Variants in IGF2BP1 observed in about 807,000 individuals in gnomAD.
IGF2BP1 encodes insulin like growth factor 2 mRNA binding protein 1.
IGF2BP1 carries 11 observed loss-of-function variants against 74.9 expected under a neutral mutation model. That is an observed-to-expected ratio of 0.15 (90% CI 0.09 to 0.24). The LOEUF (loss-of-function observed/expected upper bound fraction) is 0.24, where lower values mean the gene tolerates loss of function less well. IGF2BP1 is among the 10% of genes least tolerant of loss of function. The pLI, the probability that IGF2BP1 is intolerant of heterozygous loss-of-function variation, is 1.00. For synonymous variants in IGF2BP1, 287 were observed against 281.8 expected (o/e 1.02, Z -0.18); for missense variants, 440 against 757.4 (o/e 0.58, Z 4.92).
chr17:49,009,727 C>T (rs1157368745), intron 2 of IGF2BP1, among the ~76,000 whole-genome samples: 2 of 149,878 alleles, frequency 1.3e-5, no homozygotes, highest in Admixed American at 6.7e-5. Context: ...AAAATTTAAT[C>T]GTAAAATATG....
intron 5 of IGF2BP1, among the ~76,000 whole-genome samples, chr17:49,035,872 C>T (rs775985612): frequency 2.0e-5 from 3 of 152,198 alleles, no homozygotes; most frequent in Non-Finnish European, 4.4e-5. Context: ...GGGCAAAAGC[C>T]CCAACTGGCT....
chr17:49,029,227 AC>A (rs2041893518), intron 4 of IGF2BP1, among the ~76,000 whole-genome samples: 1 of 152,216 alleles, frequency 6.6e-6, no homozygotes, highest in Non-Finnish European at 1.5e-5. Context: ...TTGTTGGTTT[AC>A]TACTGTATTT....
At chr17:49,041,539 A>T (rs941950789) in intron 8 of IGF2BP1, 39 bp downstream of exon 8, 1 of 1,612,668 alleles carries the variant, frequency 6.2e-7, no homozygotes, top group Middle Eastern at 1.7e-4. Flanking sequence ...TGAGTGGGGG[A>T]TGCATGGGGG....
chr17:49,024,083 ATTTTTTTTTTT>A (rs765273098), intron 2 of IGF2BP1, among the ~76,000 whole-genome samples: 21 of 78,100 alleles, frequency 2.7e-4, no homozygotes, highest in East Asian at 7.0e-4. Flanking sequence ...CACCCTGCTA[ATTTTTTTTTTT>A]TTTTTTTTTT....
chr17:49,032,688 CCTA>C (rs781664522), intron 5 of IGF2BP1, among the ~76,000 whole-genome samples: 88 of 152,266 alleles, frequency 5.8e-4, no homozygotes, highest in Non-Finnish European at 4.3e-4. Context: ...TCTTCAAATA[CCTA>C]CCATTTTCTT....
Position 49,056,015 on chromosome 17 carries a change from C to T in IGF2BP1, c.*6571C>T, listed in dbSNP as rs1019960404. The stretch of plus-strand genomic sequence containing the variant: ...GGGGAGGTGGGGCAGCTGGCTCACA[C>T]GTTGGAGTTTGTTCTTTGATGGATG... On this transcript the variant is annotated 3_prime_UTR_variant, in exon 15 of 15. Coordinates refer to ENST00000290341, the MANE Select transcript of IGF2BP1 (RefSeq NM_006546.4). Among the ~76,000 whole-genome samples, 1 of 151,902 alleles carries T rather than the reference C, an allele frequency of 6.6e-6. No individual in the cohort carries two copies. Among genetic ancestry groups the T allele is most frequent in the African/African-American group, 2.4e-5 (1 of 41,352 alleles).
In IGF2BP1 at chr17:49,009,283, A is replaced by G; in HGVS notation, c.236+10114A>G. Among the ~76,000 whole-genome samples the G allele has an allele frequency of 1.3e-5, 2 of 151,888 alleles. 1 individual carries two copies. The highest frequency in any genetic ancestry group is 2.9e-5 in the Non-Finnish European group (2 of 67,968). ...GACTTCAGGTGATCTGCCCACCTCA[A>G]CCCCCAACAAGGTGCTGGGATTACA... On this transcript the variant is annotated intron_variant, in intron 2 of 14. Transcript: ENST00000290341.
At chr17:49,026,888 C>T (rs1463271755) in intron 4 of IGF2BP1, among the ~76,000 whole-genome samples, 1 of 152,136 alleles carries the variant, frequency 6.6e-6, no homozygotes, top group Non-Finnish European at 1.5e-5. Context: ...GGATTATAGG[C>T]ACGTGCCACC....
chr17:49,029,650 CAG>C (rs1489431791), intron 4 of IGF2BP1, among the ~76,000 whole-genome samples: 5 of 152,088 alleles, frequency 3.3e-5, no homozygotes, highest in African/African-American at 4.8e-5. Flanking sequence ...ATTTTAGAGA[CAG>C]AGTCTAGCTC....
At chr17:49,020,329 A>G (rs1042276616) in intron 2 of IGF2BP1, among the ~76,000 whole-genome samples, 2 of 152,102 alleles carry the variant, frequency 1.3e-5, no homozygotes, top group Non-Finnish European at 2.9e-5. Context: ...GGCGTGAGCC[A>G]CCACACCTGG....
At position 49,055,810 on chromosome 17, in the gene IGF2BP1, G is replaced by T. The variant is rs1383666060; in HGVS notation, c.*6366G>T. On this transcript the variant is annotated 3_prime_UTR_variant, in exon 15 of 15. Transcript: ENST00000290341. ...TATTTTGATGAGTGCAAATTGGGAA[G>T]AGCTGGAGGCCTACTGCTTGGGACA... Among the ~76,000 whole-genome samples the T allele has an allele frequency of 6.7e-6, 1 of 149,682 alleles. No homozygotes were observed. Among genetic ancestry groups the T allele is most frequent in the African/African-American group, 2.5e-5 (1 of 40,516 alleles).
In IGF2BP1 at chr17:49,025,600, C is replaced by T; in HGVS notation, c.237-18C>T. On this transcript the variant is annotated intron_variant, in intron 2 of 14. Transcript: ENST00000290341. ...GTATTCAGAGCTTTCTTTAACTCTGCTCCCCCTTTACTTTCAGGAGCCGGA... is the reference window on the plus strand; with the variant it reads ...GTATTCAGAGCTTTCTTTAACTCTGTTCCCCCTTTACTTTCAGGAGCCGGA... 5 of 1,611,144 alleles carry T rather than the reference C, an allele frequency of 3.1e-6. No individual in the cohort carries two copies. The highest frequency in any genetic ancestry group is 4.2e-6 in the Non-Finnish European group (5 of 1,178,442).
Position 48,998,068 on chromosome 17 carries a change from A to T in IGF2BP1, c.175+148A>T. The T allele has an allele frequency of 5.4e-6, 4 of 739,124 alleles. No individual in the cohort carries two copies. In the South Asian group the frequency reaches 7.7e-5, roughly 14 times the overall value. The allele number at this position is 739,124 out of a possible 1,614,324, so 45.8% of individuals were successfully genotyped here. On this transcript the variant is annotated intron_variant, in intron 1 of 14. Coordinates refer to ENST00000290341, the MANE Select transcript of IGF2BP1 (RefSeq NM_006546.4). ...ACCCACCCTCGACCTACCCCCTTCG[A>T]TGCCCCCTCCCTCGCTCTGCGCCTC...
In IGF2BP1 at chr17:49,044,360, C is replaced by A. The variant is rs538776084; in HGVS notation, c.1320+274C>A. Among the ~76,000 whole-genome samples, 4 of 152,236 alleles carry A rather than the reference C, an allele frequency of 2.6e-5. No homozygotes were observed. In the East Asian group the frequency reaches 7.7e-4, roughly 29 times the overall value. Reference sequence around the variant, plus strand: ...CTAACACAAACTGATGGGTTCAAATCCAAGATCCATCTCATCACCCCTTCC... The same window carrying A: ...CTAACACAAACTGATGGGTTCAAATACAAGATCCATCTCATCACCCCTTCC... On this transcript the variant is annotated intron_variant, in intron 11 of 14. Coordinates refer to ENST00000290341, the MANE Select transcript of IGF2BP1 (RefSeq NM_006546.4).
At chr17:49,040,151 C>G in intron 7 of IGF2BP1, 60 bp downstream of exon 7, 1 of 1,584,992 alleles carries the variant, frequency 6.3e-7, no homozygotes, top group South Asian at 1.1e-5. Context: ...GCCTCCCCAA[C>G]TCAACTTTCA....
chr17:49,017,637 C>G (rs2041722469), intron 2 of IGF2BP1, among the ~76,000 whole-genome samples: 1 of 152,100 alleles, frequency 6.6e-6, no homozygotes, highest in South Asian at 2.1e-4. Flanking sequence ...AAGTCAGAGT[C>G]TCACTCTGTT....
intron 2 of IGF2BP1, among the ~76,000 whole-genome samples, chr17:49,023,808 A>G (rs1027789828): frequency 6.6e-6 from 1 of 152,230 alleles, no homozygotes; most frequent in Non-Finnish European, 1.5e-5. Flanking sequence ...TGGCCAATGC[A>G]TCAAGTCAAT....
intron 2 of IGF2BP1, among the ~76,000 whole-genome samples, chr17:49,020,180 G>T (rs1162373042): frequency 6.6e-6 from 1 of 151,348 alleles, no homozygotes; most frequent in Non-Finnish European, 1.5e-5. Flanking sequence ...AGTAGCTGGG[G>T]TTACAGGTGT....
Position 49,041,392 on chromosome 17 carries a change from C to T in IGF2BP1, c.833C>T (p.Pro278Leu), listed in dbSNP as rs2042050661. Residue 278 changes from proline (P) to leucine (L), a missense_variant, in exon 8 of 15, where the codon CCC (proline) becomes CTC (leucine). Transcript: ENST00000290341. ...GTCTTCCCAAGGGCTGACGAGGTTC[C>T]CCTGAAGATCCTGGCCCATAATAAC... ...AKDTKTADEVPLKILAHNNFV... is the reference protein window; with the variant it reads ...AKDTKTADEVLLKILAHNNFV... 5.0e-6 allele frequency: 8 copies of T among 1,613,958 alleles called. No individual in the cohort carries two copies. Among genetic ancestry groups the T allele is most frequent in the Non-Finnish European group, 6.8e-6 (8 of 1,179,994 alleles).
Sources: gnomAD v4.1 joint callset for allele counts (sites outside exome capture counted in the v4.1 genomes callset) on GRCh38, gnomAD v4.1.1 for gene constraint, MANE v1.5 for transcripts, NCBI Gene and HGNC (gene_info 2026-07-23, HGNC 2026-07-21) for gene names.